Variants in MRTFA observed in about 807,000 individuals in gnomAD.
MRTFA encodes myocardin related transcription factor A.
A neutral mutation model predicts 83.5 loss-of-function variants in MRTFA; 20 were observed. The ratio of observed to expected loss-of-function variants is 0.24; its 90% CI spans 0.17 to 0.35. MRTFA has a LOEUF of 0.35. MRTFA is among the 10% of genes least tolerant of loss of function. MRTFA has a pLI of 1.00. For synonymous variants in MRTFA, 659 were observed against 541.2 expected (o/e 1.22, Z -3.02); for missense variants, 1,200 against 1,224.7 (o/e 0.98, Z 0.30).
chr22:40,575,623 T>C (rs1030247782), intron 2 of MRTFA, among the ~76,000 whole-genome samples: 1 of 152,194 alleles, frequency 6.6e-6, no homozygotes, highest in Non-Finnish European at 1.5e-5. Context: ...ATTTAGGTGA[T>C]ATAAACAATC....
At chr22:40,450,872 T>G (rs2053474216) in intron 4 of MRTFA, among the ~76,000 whole-genome samples, 1 of 152,186 alleles carries the variant, frequency 6.6e-6, no homozygotes, top group Non-Finnish European at 1.5e-5. Context: ...TTTCAGGAAT[T>G]AGCACAGGGT....
At chr22:40,523,510 T>C (rs2054907071) in intron 3 of MRTFA, 2 of 152,192 alleles carry the variant, frequency 1.3e-5, no homozygotes, top group African/African-American at 4.8e-5. Flanking sequence ...TGCCTAATTT[T>C]TGCATTTTTT....
intron 2 of MRTFA, among the ~76,000 whole-genome samples, chr22:40,578,862 G>T (rs907913542): frequency 1.6e-5 from 2 of 126,372 alleles, no homozygotes; most frequent in Non-Finnish European, 1.8e-5. Context: ...AGTCAAGGCT[G>T]CAGTGAGCCA....
chr22:40,477,598 T>C (rs933366739), intron 3 of MRTFA, among the ~76,000 whole-genome samples: 6 of 152,182 alleles, frequency 3.9e-5, no homozygotes, highest in Non-Finnish European at 2.9e-5. Flanking sequence ...ACAGATTACA[T>C]ATGTTTCATT....
At chr22:40,421,211 C>T (rs2052832245) in intron 9 of MRTFA, 111 bp from the exon 10 acceptor site, 2 of 1,270,182 alleles carry the variant, frequency 1.6e-6, no homozygotes, top group Non-Finnish European at 2.1e-6. Context: ...TCCCCATCCA[C>T]ACTTTGCCCA....
chr22:40,590,445 G>A lies in MRTFA; in HGVS notation c.-22+4229C>T, dbSNP rs147340497. Among the ~76,000 whole-genome samples the A allele has an allele frequency of 5.1e-3, 769 of 151,898 alleles. 4 individuals are homozygous for A. Among genetic ancestry groups the A allele is most frequent in the Non-Finnish European group, 8.1e-3 (551 of 67,942 alleles). On this transcript the variant is annotated intron_variant, in intron 2 of 14. Transcript: ENST00000355630. ...GCAATTTGGGAGGTCGAGGTGGGTG[G>A]GTCACGAGGTTAGGAGTTTGAGACC...
chr22:40,470,711 C>T (rs544895311), intron 3 of MRTFA, among the ~76,000 whole-genome samples: 87 of 150,670 alleles, frequency 5.8e-4, no homozygotes, highest in South Asian at 1.1e-3. Flanking sequence ...CACTTTGGGA[C>T]GCCGAGAAAG....
intron 2 of MRTFA, among the ~76,000 whole-genome samples, chr22:40,557,130 T>C (rs1569326824): frequency 6.6e-6 from 1 of 152,344 alleles, no homozygotes; most frequent in East Asian, 1.9e-4. Context: ...AGCATTCTAA[T>C]AGTTGTTAAC....
intron 3 of MRTFA, chr22:40,526,680 A>C (rs1042127568): frequency 1.2e-4 from 19 of 152,182 alleles, no homozygotes; most frequent in Admixed American, 1.2e-3. Context: ...TAAACTCAAA[A>C]AGCTGAATTA....
intron 12 of MRTFA, 38 bp downstream of exon 12, chr22:40,418,336 C>G (rs201216183): frequency 1.2e-6 from 2 of 1,603,502 alleles, no homozygotes; most frequent in Non-Finnish European, 1.7e-6. Context: ...TTCCCACCCT[C>G]CTCTGGGCCC....
chr22:40,535,480 G>C (rs527785420), intron 3 of MRTFA, among the ~76,000 whole-genome samples: 3 of 148,076 alleles, frequency 2.0e-5, no homozygotes, highest in Non-Finnish European at 3.0e-5. Context: ...AGCCTCCCAA[G>C]TAGCTGGGAC....
chr22:40,418,694 A>G lies in MRTFA; in HGVS notation c.2044T>C (p.Ser682Pro), dbSNP rs2052748440. 1.6e-6 allele frequency: 2 copies of G among 1,219,478 alleles called. No homozygotes were observed. Among genetic ancestry groups the G allele is most frequent in the Admixed American group, 3.5e-5 (1 of 28,880 alleles). The allele number at this position is 1,219,478 out of a possible 1,614,324, so 75.5% of individuals were successfully genotyped here. A position where few individuals can be genotyped will look rare whatever the true frequency, so the allele number is the denominator to read the frequency against. ...GGCTGCTGGCTCAGCTGGCAGCTGG[A>G]GAAGCTGTTCTCCTGCTTCACGGGG... Residue 682 changes from serine to proline, a missense_variant, in exon 12 of 15, where the codon TCC becomes CCC. By Grantham distance (74) the Ser-to-Pro change is moderately conservative. Around this residue, in one of 2 missense-constraint regions of MRTFA, gnomAD observed 1,107 missense variants for 1,041.8 expected, o/e 1.06. Transcript: ENST00000355630.
chr22:40,448,077 C>T (rs540951080), intron 4 of MRTFA, among the ~76,000 whole-genome samples: 5 of 152,174 alleles, frequency 3.3e-5, no homozygotes, highest in South Asian at 2.1e-4. Flanking sequence ...TTTGGGAGTA[C>T]GAGGTGGGCG....
chr22:40,556,781 C>T (rs1053875106), intron 2 of MRTFA, among the ~76,000 whole-genome samples: 1 of 152,118 alleles, frequency 6.6e-6, no homozygotes, highest in Non-Finnish European at 1.5e-5. Context: ...TTAATCCATC[C>T]GGCTGAGTAT....
chr22:40,472,278 T>A (rs534391496), intron 3 of MRTFA, among the ~76,000 whole-genome samples: 1 of 152,334 alleles, frequency 6.6e-6, no homozygotes, highest in African/African-American at 2.4e-5. Flanking sequence ...CCCTATGTAA[T>A]GCTAATTTGG....
At position 40,441,770 on chromosome 22, in the gene MRTFA, G is replaced by C. The variant is rs541558449; in HGVS notation, c.308-6216C>G. On this transcript the variant is annotated intron_variant, in intron 4 of 14. Transcript: ENST00000355630. ...ACACTGTACTCCAACCTGGGTGACAGAGCAAGACTCCATCTCGGGGGGAAA... is the reference window on the plus strand; with the variant it reads ...ACACTGTACTCCAACCTGGGTGACACAGCAAGACTCCATCTCGGGGGGAAA... Among the ~76,000 whole-genome samples the C allele has an allele frequency of 3.4e-4, 51 of 151,908 alleles. 2 individuals are homozygous for C. The South Asian group carries it at 0.011, about 32-fold the overall frequency.
chr22:40,565,530 G>A (rs1356334708), intron 2 of MRTFA, among the ~76,000 whole-genome samples: 1 of 152,114 alleles, frequency 6.6e-6, no homozygotes, highest in Non-Finnish European at 1.5e-5. Context: ...CTGGGCAACA[G>A]AGCGAGACTC....
intron 3 of MRTFA, among the ~76,000 whole-genome samples, chr22:40,495,199 C>T (rs2054331120): frequency 6.6e-6 from 1 of 151,472 alleles, no homozygotes; most frequent in African/African-American, 2.4e-5. Context: ...TACAGTGAGA[C>T]CCCGTCTCTA....
intron 4 of MRTFA, 117 bp from the exon 5 acceptor site, chr22:40,435,671 G>T: frequency 9.0e-7 from 1 of 1,116,418 alleles, no homozygotes; most frequent in Non-Finnish European, 1.3e-6. Context: ...GGTGGCTCAC[G>T]CCTGTAATCC....
Sources: allele counts gnomAD v4.1 joint callset (sites outside exome capture counted in the v4.1 genomes callset), GRCh38; gene constraint gnomAD v4.1.1; regional missense constraint gnomAD v4.1.1; transcripts MANE v1.5; gene names NCBI Gene and HGNC (gene_info 2026-07-23, HGNC 2026-07-21).